Variants in SLCO3A1 observed in about 807,000 individuals in gnomAD.
The protein encoded by SLCO3A1 is PGE1 transporter.
In SLCO3A1, 27 loss-of-function variants were observed where a neutral mutation model predicts 63.1. The observed-to-expected ratio is 0.43, with a 90% CI of 0.32 to 0.59. The LOEUF (loss-of-function observed/expected upper bound fraction) is 0.59. Ranked by LOEUF, SLCO3A1 falls within the 20% of genes least tolerant of loss-of-function variation. The pLI, the probability that SLCO3A1 is intolerant of heterozygous loss-of-function variation, is 0.09. For synonymous variants in SLCO3A1, 473 were observed against 409.9 expected, an observed-to-expected ratio of 1.15 and a Z score of -1.86; for missense variants, 773 against 945.8, an observed-to-expected ratio of 0.82 and a Z score of 2.40.
chr15:92,171,600 A>G, intron 10 of SLCO3A1: 1 of 555,296 alleles, frequency 1.8e-6, no homozygotes, highest in Non-Finnish European at 3.2e-6. Flanking sequence ...CTCTGGGCTC[A>G]GAGTCTGGTC....
chr15:92,099,778 A>AC (rs2047582260), intron 3 of SLCO3A1, among the ~76,000 whole-genome samples: 1 of 152,116 alleles, frequency 6.6e-6, no homozygotes, highest in Non-Finnish European at 1.5e-5. Context: ...TTGATCTTGT[A>AC]AGGCCAGGCA....
intron 2 of SLCO3A1, among the ~76,000 whole-genome samples, chr15:91,930,664 G>A (rs557909870): frequency 6.6e-6 from 1 of 152,120 alleles, no homozygotes; most frequent in Non-Finnish European, 1.5e-5. Flanking sequence ...CAAGGTGCTG[G>A]GGATACATGG....
downstream of SLCO3A1, among the ~76,000 whole-genome samples, chr15:92,168,643 G>A (rs1001413250): frequency 6.6e-6 from 1 of 152,224 alleles, no homozygotes; most frequent in African/African-American, 2.4e-5. Context: ...TAAGACTGCT[G>A]TAGCATGGGC....
In SLCO3A1 at chr15:92,104,404, C is replaced by G; in HGVS notation, c.871C>G (p.Pro291Ala). 2 of 1,614,176 alleles carry G rather than the reference C, an allele frequency of 1.2e-6. No homozygotes were observed. The highest frequency in any genetic ancestry group is 8.5e-7 in the Non-Finnish European group (1 of 1,180,036). The change falls in exon 4 of 10, where the codon CCG (proline) becomes GCG (alanine). Residue 291 changes from proline to alanine, a missense_variant. Pro to Ala is a conservative substitution (Grantham distance 27). This residue lies in a region of SLCO3A1 where 565 missense variants were observed against 749.8 expected (regional missense o/e 0.75). Transcript: ENST00000318445. ...GTTTGGGTTTCCACAGTCCCTGCCCCCGCACTCAGAGCCCGCCATGGAAAG... is the reference window on the plus strand; with the variant it reads ...GTTTGGGTTTCCACAGTCCCTGCCCGCGCACTCAGAGCCCGCCATGGAAAG... ...LMFGFPQSLPPHSEPAMESEQ... is the reference protein window; with the variant it reads ...LMFGFPQSLPAHSEPAMESEQ...
At chr15:92,123,254 A>G (rs1220083185) in intron 5 of SLCO3A1, among the ~76,000 whole-genome samples, 1 of 152,044 alleles carries the variant, frequency 6.6e-6, no homozygotes, top group Non-Finnish European at 1.5e-5. Flanking sequence ...GTAAAACCCC[A>G]TCTCTACTAA....
At chr15:92,159,962 G>A (rs1010204332) in intron 9 of SLCO3A1, among the ~76,000 whole-genome samples, 2 of 151,984 alleles carry the variant, frequency 1.3e-5, no homozygotes, top group African/African-American at 2.4e-5. Context: ...GGTTTGCACC[G>A]ACCTGGAATT....
chr15:91,987,432 G>C lies in SLCO3A1; in HGVS notation c.646+70974G>C, dbSNP rs555889426. ...GCTCTCTTGGAATTTATGTATTATT[G>C]ATGAGAAGCCTGTTTTGTTAATAAT... On this transcript the variant is annotated intron_variant, in intron 2 of 9. Transcript: ENST00000318445. Among the ~76,000 whole-genome samples, 25 of 152,272 alleles carry C rather than the reference G, an allele frequency of 1.6e-4. No homozygotes were observed. In the South Asian group the frequency reaches 3.7e-3, roughly 23 times the overall value.
At chr15:92,113,110 G>T (rs546192540) in intron 4 of SLCO3A1, among the ~76,000 whole-genome samples, 1 of 152,328 alleles carries the variant, frequency 6.6e-6, no homozygotes, top group East Asian at 1.9e-4. Flanking sequence ...AAGACACCAT[G>T]TTGGGTCTGA....
intron 2 of SLCO3A1, among the ~76,000 whole-genome samples, chr15:92,049,755 G>A (rs538889484): frequency 6.6e-6 from 1 of 152,324 alleles, no homozygotes; most frequent in Admixed American, 6.5e-5. Flanking sequence ...CAGTTTCCAA[G>A]AGATTACTGA....
At chr15:92,030,919 G>A (rs1169960543) in intron 2 of SLCO3A1, among the ~76,000 whole-genome samples, 1 of 151,230 alleles carries the variant, frequency 6.6e-6, no homozygotes, top group Non-Finnish European at 1.5e-5. Context: ...AACCTATGGA[G>A]TTCCCATTTT....
chr15:92,168,156 G>A (rs534414741), downstream of SLCO3A1, among the ~76,000 whole-genome samples: 1 of 152,200 alleles, frequency 6.6e-6, no homozygotes, highest in Admixed American at 6.5e-5. Flanking sequence ...AAGAGCTAGG[G>A]TCTGTCTGGG....
At chr15:92,154,708 G>C (rs1204414206) in intron 9 of SLCO3A1, among the ~76,000 whole-genome samples, 1 of 152,054 alleles carries the variant, frequency 6.6e-6, no homozygotes, top group Non-Finnish European at 1.5e-5. Context: ...GGCCAGGGCA[G>C]GGCTGCAGAG....
Position 91,885,349 on chromosome 15 carries a change from GC to G in SLCO3A1, c.181-30643del, listed in dbSNP as rs1897697036. Among the ~76,000 whole-genome samples, 1 of 152,198 alleles carries G rather than the reference GC, an allele frequency of 6.6e-6. No individual in the cohort carries two copies. Among genetic ancestry groups the G allele is most frequent in the South Asian group, 2.1e-4 (1 of 4,836 alleles). Reference sequence around the variant, plus strand: ...CCTTGAGTGAGCTCAGAGGTCAGGAGCTTCCTAAGCTCCTGTATCAAGAGAC... The same window carrying G: ...CCTTGAGTGAGCTCAGAGGTCAGGAGTTCCTAAGCTCCTGTATCAAGAGAC... On this transcript the variant is annotated intron_variant, in intron 1 of 9. Coordinates refer to ENST00000318445, the MANE Select transcript of SLCO3A1 (RefSeq NM_013272.4). This position sits in a 1 kb window ranked among gnomAD's most constrained non-coding sequence, Gnocchi z 4.7.
At chr15:92,046,540 A>G (rs1477108266) in intron 2 of SLCO3A1, among the ~76,000 whole-genome samples, 1 of 152,114 alleles carries the variant, frequency 6.6e-6, no homozygotes, top group Admixed American at 6.6e-5. Flanking sequence ...AAAAAACAAA[A>G]GAGTATTTTC....
chr15:91,937,515 T>G lies in SLCO3A1; in HGVS notation c.646+21057T>G, dbSNP rs959596126. Among the ~76,000 whole-genome samples, 5 of 151,964 alleles carry G rather than the reference T, an allele frequency of 3.3e-5. No homozygotes were observed. The East Asian group carries it at 9.7e-4, about 29-fold the overall frequency. The stretch of plus-strand genomic sequence containing the variant: ...TGGGCAGATCATGAGGTCAGGAGTT[T>G]GAGACCAGCCTGGCCAACATAGTGA... On this transcript the variant is annotated intron_variant, in intron 2 of 9. Transcript: ENST00000318445.
chr15:91,861,511 C>A lies in SLCO3A1; in HGVS notation c.180+7423C>A, dbSNP rs183989955. ...ATGACTGGGCATTCCTCTTTAAACA[C>A]GGAATAGTTGGTCATTAGTACTTTC... On this transcript the variant is annotated intron_variant, in intron 1 of 9. Coordinates refer to ENST00000318445, the MANE Select transcript of SLCO3A1 (RefSeq NM_013272.4). 2.9e-3 allele frequency among the ~76,000 whole-genome samples: 435 copies of A among 152,282 alleles called. 1 individual carries two copies. Among genetic ancestry groups the A allele is most frequent in the African/African-American group, 0.01 (420 of 41,558 alleles).
chr15:91,866,657 C>T (rs1401542156), intron 1 of SLCO3A1, among the ~76,000 whole-genome samples: 1 of 151,438 alleles, frequency 6.6e-6, no homozygotes, highest in Non-Finnish European at 1.5e-5. Flanking sequence ...TTAAGTGCTG[C>T]GAGCAATATA....
At chr15:92,157,856 T>C (rs1315651042) in intron 9 of SLCO3A1, among the ~76,000 whole-genome samples, 1 of 152,222 alleles carries the variant, frequency 6.6e-6, no homozygotes, top group Non-Finnish European at 1.5e-5. Flanking sequence ...AAGCTCTGCC[T>C]GAAGGTATGA....
chr15:92,033,527 T>C lies in SLCO3A1; in HGVS notation c.647-61354T>C, dbSNP rs897524579. On this transcript the variant is annotated intron_variant, in intron 2 of 9. Coordinates refer to ENST00000318445, the MANE Select transcript of SLCO3A1 (RefSeq NM_013272.4). The surrounding 1 kb of genome is among the most constrained non-coding windows in gnomAD (Gnocchi z 4.5). ...AGGAGAACGAGGGAGGAGCAGAGGG[T>C]GACTTCCAGCTGGGACTGGCATGTG... Among the ~76,000 whole-genome samples the C allele has an allele frequency of 6.6e-6, 1 of 151,912 alleles. No homozygotes were observed. Among genetic ancestry groups the C allele is most frequent in the Non-Finnish European group, 1.5e-5 (1 of 67,984 alleles).
Sources: allele counts gnomAD v4.1 joint callset (sites outside exome capture counted in the v4.1 genomes callset), GRCh38; gene constraint gnomAD v4.1.1; regional missense constraint gnomAD v4.1.1; non-coding constraint Gnocchi (gnomAD v3.1); transcripts MANE v1.5; gene names NCBI Gene and HGNC (gene_info 2026-07-23, HGNC 2026-07-21).